Variants in SPAST observed in about 807,000 individuals in gnomAD.
SPAST encodes the protein spastic paraplegia 4 (autosomal dominant; spastin).
SPAST carries 30 observed loss-of-function variants against 76.6 expected under a neutral mutation model. The ratio of observed to expected loss-of-function variants is 0.39; its 90% CI spans 0.29 to 0.53. The LOEUF is 0.53. Among genes scored for constraint, SPAST ranks in the 20% least tolerant of loss-of-function variants. The probability of loss-of-function intolerance (pLI) is 0.68; values close to 1 mark genes in which losing one functional copy is unlikely to be tolerated. For synonymous variants in SPAST, 305 were observed against 281.0 expected (o/e 1.09, Z -0.86); for missense variants, 717 against 770.5 (o/e 0.93, Z 0.82).
intron 9 of SPAST, among the ~76,000 whole-genome samples, chr2:32,131,287 T>C (rs1679361830): frequency 6.6e-6 from 1 of 152,198 alleles, no homozygotes; most frequent in African/African-American, 2.4e-5. Flanking sequence ...CTCCAAACTA[T>C]TCCCCGTTAT....
chr2:32,104,786 C>G (rs1678256239), intron 4 of SPAST, among the ~76,000 whole-genome samples: 1 of 152,218 alleles, frequency 6.6e-6, no homozygotes, highest in Admixed American at 6.5e-5. Context: ...GGCCCCCACT[C>G]TCTTCTGGTT....
At position 32,136,203 on chromosome 2, in the gene SPAST, T is replaced by C. The variant is rs1573155134; in HGVS notation, c.1246-360T>C. ...TCCAACTTACTTGCTTCTATAAATA[T>C]ACCGTGTAATCTAGGGCTTAAAGAA... On this transcript the variant is annotated intron_variant, in intron 9 of 16. Coordinates refer to ENST00000315285, the MANE Select transcript of SPAST (RefSeq NM_014946.4). Among the ~76,000 whole-genome samples the C allele has an allele frequency of 4.6e-5, 7 of 152,242 alleles. No homozygotes were observed. In the South Asian group the frequency reaches 1.2e-3, roughly 27 times the overall value.
intron 3 of SPAST, among the ~76,000 whole-genome samples, chr2:32,092,917 G>C (rs950762596): frequency 1.3e-5 from 2 of 151,874 alleles, no homozygotes; most frequent in Non-Finnish European, 2.9e-5. Context: ...TGAGTCAGGA[G>C]GATGGCTTGA....
chr2:32,141,230 C>T (rs184225002), intron 12 of SPAST, among the ~76,000 whole-genome samples: 1 of 152,278 alleles, frequency 6.6e-6, no homozygotes, highest in East Asian at 1.9e-4. Context: ...ACATTGTCTT[C>T]CCGCCAGACT....
intron 3 of SPAST, among the ~76,000 whole-genome samples, chr2:32,090,532 C>T (rs1383051315): frequency 6.6e-6 from 1 of 152,058 alleles, no homozygotes; most frequent in Non-Finnish European, 1.5e-5. Context: ...TTAACATTAT[C>T]CAAAAAAACT....
intron 3 of SPAST, among the ~76,000 whole-genome samples, chr2:32,097,643 G>T (rs1053609766): frequency 1.1e-4 from 17 of 149,942 alleles, no homozygotes; most frequent in Admixed American, 1.1e-3. Flanking sequence ...GTTTCATTCT[G>T]TGCTACTTTA....
intron 16 of SPAST, among the ~76,000 whole-genome samples, chr2:32,150,319 T>C (rs1189916055): frequency 2.0e-5 from 3 of 149,048 alleles, no homozygotes; most frequent in Non-Finnish European, 4.4e-5. Context: ...CTCGATCTCC[T>C]GACCTTGGGA....
intron 11 of SPAST, 48 bp from the exon 12 acceptor site, chr2:32,137,061 T>G (rs1021622088): frequency 3.2e-6 from 5 of 1,565,320 alleles, no homozygotes; most frequent in Non-Finnish European, 4.4e-6. Context: ...ATCTTTATAT[T>G]TGTTATTACT....
chr2:32,080,382 G>A (rs956802074), intron 1 of SPAST, among the ~76,000 whole-genome samples: 1 of 148,282 alleles, frequency 6.7e-6, no homozygotes. Flanking sequence ...AAAATAGGCA[G>A]CTTACTAGAT....
chr2:32,075,614 A>G (rs1676928461), intron 1 of SPAST, among the ~76,000 whole-genome samples: 1 of 133,080 alleles, frequency 7.5e-6, no homozygotes, highest in Admixed American at 8.4e-5. Context: ...CAGTGGTGCA[A>G]TCTCAGCTCA....
intron 7 of SPAST, among the ~76,000 whole-genome samples, chr2:32,125,325 G>A (rs1679152837): frequency 6.6e-6 from 1 of 152,060 alleles, no homozygotes. Context: ...CAGGGTTCAA[G>A]CGATTCTCAT....
chr2:32,138,551 T>C (rs1679616997), intron 12 of SPAST, among the ~76,000 whole-genome samples: 1 of 152,226 alleles, frequency 6.6e-6, no homozygotes, highest in South Asian at 2.1e-4. Flanking sequence ...GCTTGTTCAA[T>C]TGTTTGAATT....
At chr2:32,112,338 G>A (rs1678646792) in intron 4 of SPAST, among the ~76,000 whole-genome samples, 1 of 146,138 alleles carries the variant, frequency 6.8e-6, no homozygotes, top group Admixed American at 7.0e-5. Flanking sequence ...AAGGTATCCT[G>A]AATGTGGCTT....
At chr2:32,151,389 T>TA (rs1680080624) in intron 16 of SPAST, among the ~76,000 whole-genome samples, 2 of 152,204 alleles carry the variant, frequency 1.3e-5, no homozygotes, top group South Asian at 4.1e-4. Context: ...AAACACTATG[T>TA]AAAGATCCAT....
intron 5 of SPAST, 38 bp downstream of exon 5, chr2:32,114,863 C>A: frequency 1.3e-6 from 2 of 1,536,062 alleles, no homozygotes; most frequent in Non-Finnish European, 9.0e-7. Flanking sequence ...TGTCTTTTTG[C>A]AAATAGAAAA....
At chr2:32,131,752 TC>T (rs1463387047) in intron 9 of SPAST, among the ~76,000 whole-genome samples, 1 of 136,078 alleles carries the variant, frequency 7.3e-6, no homozygotes, top group Non-Finnish European at 1.5e-5. Flanking sequence ...AGCCTCTGCC[TC>T]CCGGGTTCAA....
At chr2:32,090,361 A>T (rs1021694204) in intron 3 of SPAST, among the ~76,000 whole-genome samples, 1 of 152,196 alleles carries the variant, frequency 6.6e-6, no homozygotes, top group Non-Finnish European at 1.5e-5. Flanking sequence ...TTCACTTGAC[A>T]TCCCACTTCA....
At chr2:32,087,116 T>A (rs1677513100) in intron 1 of SPAST, among the ~76,000 whole-genome samples, 1 of 152,242 alleles carries the variant, frequency 6.6e-6, no homozygotes, top group Admixed American at 6.5e-5. Flanking sequence ...CAGATTTGAA[T>A]ATGAGATTAA....
At chr2:32,087,421 C>T in intron 1 of SPAST, 71 bp from the exon 2 acceptor site, 2 of 921,294 alleles carry the variant, frequency 2.2e-6, no homozygotes, top group South Asian at 1.4e-5. Flanking sequence ...TGTATTACCT[C>T]TCAACAGCAT....
Sources: gnomAD v4.1 joint callset for allele counts (sites outside exome capture counted in the v4.1 genomes callset) on GRCh38, gnomAD v4.1.1 for gene constraint, MANE v1.5 for transcripts, NCBI Gene and HGNC (gene_info 2026-07-23, HGNC 2026-07-21) for gene names.